Variants in ARFGEF1 observed in about 807,000 individuals in gnomAD.
The protein encoded by ARFGEF1 is ARF guanine nucleotide exchange factor 1.
In ARFGEF1, 42 loss-of-function variants were observed where a neutral mutation model predicts 231.0. The observed-to-expected ratio is 0.18, with a 90% CI of 0.14 to 0.24. The LOEUF (loss-of-function observed/expected upper bound fraction) is 0.24, where lower values mean the gene tolerates loss of function less well. ARFGEF1 is among the 10% of genes least tolerant of loss of function. The pLI is 1.00. For synonymous variants in ARFGEF1, 710 were observed against 732.3 expected (o/e 0.97, Z 0.49); for missense variants, 1,345 against 2,192.0 (o/e 0.61, Z 7.72).
chr8:67,316,528 A>C (rs1311153400), intron 1 of ARFGEF1, among the ~76,000 whole-genome samples: 1 of 151,498 alleles, frequency 6.6e-6, no homozygotes, highest in Non-Finnish European at 1.5e-5. Context: ...TGGCGCAATC[A>C]CAGCTCACTG....
At chr8:67,190,592 C>G in intron 5 of ARFGEF1, 1 of 1,296,668 alleles carries the variant, frequency 7.7e-7, no homozygotes, top group African/African-American at 1.5e-5. Flanking sequence ...CTTGGTTTAG[C>G]TCTGGGTAAG....
At chr8:67,327,568 C>T (rs1052493358) in intron 1 of ARFGEF1, among the ~76,000 whole-genome samples, 15 of 152,318 alleles carry the variant, frequency 9.8e-5, no homozygotes, top group Middle Eastern at 3.4e-3. Flanking sequence ...GATCCACCCA[C>T]TTCAGCCTCC....
chr8:67,313,960 G>C (rs1377883199), intron 1 of ARFGEF1, among the ~76,000 whole-genome samples: 2 of 152,104 alleles, frequency 1.3e-5, no homozygotes, highest in Non-Finnish European at 2.9e-5. Context: ...TGGGGGACAG[G>C]AGTGAGATTC....
intron 5 of ARFGEF1, among the ~76,000 whole-genome samples, chr8:67,181,520 G>C (rs1050829805): frequency 5.9e-5 from 9 of 151,940 alleles, no homozygotes; most frequent in Non-Finnish European, 1.3e-4. Context: ...TTGGAGTATT[G>C]CATGACACTA....
chr8:67,183,042 G>A (rs1833443326), intron 5 of ARFGEF1, among the ~76,000 whole-genome samples: 1 of 152,130 alleles, frequency 6.6e-6, no homozygotes, highest in East Asian at 1.9e-4. Flanking sequence ...CTAAGACATC[G>A]TTGCCAAATC....
intron 7 of ARFGEF1, among the ~76,000 whole-genome samples, chr8:67,285,093 T>A (rs1417820462): frequency 2.0e-5 from 3 of 149,624 alleles, no homozygotes; most frequent in Non-Finnish European, 3.0e-5. Context: ...TGGTATTATT[T>A]TTAAAGGGGG....
intron 4 of ARFGEF1, among the ~76,000 whole-genome samples, chr8:67,297,022 C>G (rs567550069): frequency 1.1e-3 from 165 of 152,280 alleles, no homozygotes; most frequent in Non-Finnish European, 1.5e-3. Flanking sequence ...TTAAAACTTT[C>G]AGAAACAATT....
chr8:67,245,213 T>A (rs1840067272), intron 19 of ARFGEF1, among the ~76,000 whole-genome samples: 1 of 150,642 alleles, frequency 6.6e-6, no homozygotes, highest in Non-Finnish European at 1.5e-5. Context: ...ATGTCCTGCA[T>A]GAAATGCTAA....
At chr8:67,193,412 G>A (rs901772149), downstream of ARFGEF1, 4 of 1,550,474 alleles carry the variant, frequency 2.6e-6, no homozygotes, top group Admixed American at 5.1e-5. Context: ...TCACTGATTT[G>A]TGAACATATT....
chr8:67,211,368 AGT>A, intron 34 of ARFGEF1, 113 bp downstream of exon 34: 2 of 596,862 alleles, frequency 3.4e-6, no homozygotes, highest in South Asian at 9.7e-5. Flanking sequence ...AAAAAAAAGA[AGT>A]GATGACACAA....
chr8:67,330,339 G>A (rs71515062), intron 1 of ARFGEF1, among the ~76,000 whole-genome samples: 3,219 of 152,158 alleles, frequency 0.021, 36 homozygotes, highest in Non-Finnish European at 0.032. Context: ...GAAAGAATGT[G>A]TACATATTAC....
At chr8:67,294,020 G>A (rs1806121722) in intron 5 of ARFGEF1, among the ~76,000 whole-genome samples, 1 of 152,038 alleles carries the variant, frequency 6.6e-6, no homozygotes, top group South Asian at 2.1e-4. Flanking sequence ...AATACTGATG[G>A]CGGGGGGAAA....
intron 29 of ARFGEF1, among the ~76,000 whole-genome samples, chr8:67,223,063 T>A (rs201708341): frequency 6.6e-6 from 1 of 152,248 alleles, no homozygotes; most frequent in Non-Finnish European, 1.5e-5. Context: ...GCAGAGAACA[T>A]ACTCCTGTCA....
intron 28 of ARFGEF1, 106 bp from the exon 29 acceptor site, chr8:67,225,139 G>A (rs1197490571): frequency 1.9e-6 from 2 of 1,032,294 alleles, no homozygotes; most frequent in East Asian, 3.0e-5. Context: ...TAACCAGTGA[G>A]CAATTTAATA....
In ARFGEF1 at chr8:67,204,755, G is replaced by C; in HGVS notation, c.4884C>G (p.Ile1628Met). Residue 1628 changes from isoleucine (I) to methionine (M), a missense_variant, in exon 35 of 39, where the codon ATC becomes ATG. By Grantham distance (10) the Ile-to-Met change is conservative. Around this residue, in one of 14 missense-constraint regions of ARFGEF1, gnomAD observed 161 missense variants for 284.9 expected, o/e 0.57. Transcript: ENST00000262215. Reference sequence around the variant, plus strand: ...AGAAGACAATGTTGTCGATAGTCTGGATGAGTTCCAGCTGCACAACACATT... The same window carrying C: ...AGAAGACAATGTTGTCGATAGTCTGCATGAGTTCCAGCTGCACAACACATT... ...LIKCVVQLEL[I>M]QTIDNIVFFP... The C allele has an allele frequency of 6.2e-7, 1 of 1,613,946 alleles. No individual in the cohort carries two copies. The highest frequency in any genetic ancestry group is 8.5e-7 in the Non-Finnish European group (1 of 1,179,974).
intron 19 of ARFGEF1, among the ~76,000 whole-genome samples, chr8:67,243,034 G>A (rs1008388677): frequency 6.6e-6 from 1 of 152,182 alleles, no homozygotes; most frequent in African/African-American, 2.4e-5. Flanking sequence ...TAAGGTTTCT[G>A]ACTCATGTCC....
chr8:67,275,165 T>C lies in ARFGEF1; in HGVS notation c.1337+811A>G, dbSNP rs570439863. Reference sequence around the variant, plus strand: ...CCTTACATCTCTATTTCAATATCCCTTTCTTAAAGTTATGGTCTGCTCCAA... The same window carrying C: ...CCTTACATCTCTATTTCAATATCCCCTTCTTAAAGTTATGGTCTGCTCCAA... On this transcript the variant is annotated intron_variant, in intron 9 of 38. Coordinates refer to ENST00000262215, the MANE Select transcript of ARFGEF1 (RefSeq NM_006421.5). Among the ~76,000 whole-genome samples the C allele has an allele frequency of 9.5e-4, 144 of 152,220 alleles. 2 individuals are homozygous for C. Among genetic ancestry groups the C allele is most frequent in the East Asian group, 1.9e-3 (10 of 5,186 alleles).
At chr8:67,269,864 T>C (rs1181636783) in intron 10 of ARFGEF1, among the ~76,000 whole-genome samples, 1 of 152,128 alleles carries the variant, frequency 6.6e-6, no homozygotes, top group Non-Finnish European at 1.5e-5. Context: ...AAATTCATTT[T>C]TGCAAAGTTG....
chr8:67,296,374 T>G, intron 5 of ARFGEF1, 57 bp downstream of exon 5: 2 of 1,491,962 alleles, frequency 1.3e-6, no homozygotes, highest in Non-Finnish European at 1.8e-6. Context: ...GTAAACTCCT[T>G]TCTATGTTTA....
Sources: gnomAD v4.1 joint callset for allele counts (sites outside exome capture counted in the v4.1 genomes callset) on GRCh38, gnomAD v4.1.1 for gene constraint, gnomAD v4.1.1 regional missense constraint, MANE v1.5 for transcripts, NCBI Gene and HGNC (gene_info 2026-07-23, HGNC 2026-07-21) for gene names.